The following LRRFIP2 variants were observed in gnomAD, a reference collection of about 807,000 sequenced individuals.
LRRFIP2 encodes LRR binding FLII interacting protein 2.
LRRFIP2 carries 109 observed loss-of-function variants against 125.9 expected under a neutral mutation model. The ratio of observed to expected loss-of-function variants is 0.87; its 90% CI spans 0.74 to 1.01. The LOEUF (loss-of-function observed/expected upper bound fraction) is 1.01, where lower values mean the gene tolerates loss of function less well. Ranked by LOEUF, LRRFIP2 falls within the 50% of genes least tolerant of loss-of-function variation. The probability of loss-of-function intolerance (pLI) is 0.00; values close to 1 mark genes in which losing one functional copy is unlikely to be tolerated. For synonymous variants in LRRFIP2, 291 were observed against 293.1 expected (o/e 0.99, Z 0.07); for missense variants, 850 against 862.3 (o/e 0.99, Z 0.18).
At chr3:37,076,096 G>T (rs2091977803) in intron 19 of LRRFIP2, among the ~76,000 whole-genome samples, 1 of 152,108 alleles carries the variant, frequency 6.6e-6, no homozygotes. Context: ...GTGAATGGGG[G>T]AAGAGGGAAG....
At chr3:37,076,423 A>T (rs1425878634) in intron 19 of LRRFIP2, among the ~76,000 whole-genome samples, 2 of 152,114 alleles carry the variant, frequency 1.3e-5, no homozygotes, top group African/African-American at 4.8e-5. Context: ...GGTACTCTGG[A>T]GGCTGAGGTG....
rs1036036387 is a variant in LRRFIP2, at chr3:37,135,182, T to C, written c.91-6033A>G. ...TTACTGTTTAAAAAAAAAAAAAGGC[T>C]GGGCACGTTGGCTCACACCTGTAAT... On this transcript the variant is annotated intron_variant, in intron 2 of 27. Transcript: ENST00000336686. 5 of 913,440 alleles carry C rather than the reference T, an allele frequency of 5.5e-6. No individual in the cohort carries two copies. The African/African-American group carries it at 8.4e-5, about 15-fold the overall frequency. 56.6% of individuals were successfully genotyped at this position (913,440 alleles called of 1,614,324 possible). A position where few individuals can be genotyped will look rare whatever the true frequency, so the allele number is the denominator to read the frequency against.
At position 37,056,303 on chromosome 3, in the gene LRRFIP2, T is replaced by C. The variant is rs76532428; in HGVS notation, c.1871-1138A>G. On this transcript the variant is annotated intron_variant, in intron 25 of 27. Coordinates refer to ENST00000336686, the MANE Select transcript of LRRFIP2 (RefSeq NM_006309.4). ...AGAATCCAAGTTTAGCAAAAATCAG[T>C]CTCTGGCATGATTACAGTAATAAGA... Among the ~76,000 whole-genome samples, 376 of 152,226 alleles carry C rather than the reference T, an allele frequency of 2.5e-3. 12 individuals carry two copies. The East Asian group carries it at 0.065, about 26-fold the overall frequency.
In LRRFIP2 at chr3:37,105,515, G is replaced by A. The variant is rs559918360; in HGVS notation, c.723C>T (p.Asn241=). The A allele has an allele frequency of 1.1e-5, 17 of 1,612,752 alleles. No individual in the cohort carries two copies. The highest frequency in any genetic ancestry group is 1.6e-4 in the Middle Eastern group (1 of 6,080). Residue 241 remains asparagine, a synonymous_variant, in exon 14 of 28, where the codon AAC becomes AAT. Transcript: ENST00000336686. The part of the protein sequence containing the change: ...SSARSSPGFT[N]DDTASIVSSD... ...AAGACACAATGCTTGCAGTGTCATCGTTGGTAAACTATAGATATTAAATGC... is the reference window on the plus strand; with the variant it reads ...AAGACACAATGCTTGCAGTGTCATCATTGGTAAACTATAGATATTAAATGC...
chr3:37,167,517 G>A (rs1174650571), intron 1 of LRRFIP2, among the ~76,000 whole-genome samples: 1 of 151,986 alleles, frequency 6.6e-6, no homozygotes, highest in South Asian at 2.1e-4. Context: ...AGCCGGGCGT[G>A]GTGGCGGGTG....
At chr3:37,114,928 T>A (rs923101935) in intron 7 of LRRFIP2, 126 bp downstream of exon 7, 20 of 698,472 alleles carry the variant, frequency 2.9e-5, no homozygotes, top group Middle Eastern at 2.5e-4. Flanking sequence ...TTTTGCTTTG[T>A]TAGTCACACA....
chr3:37,053,771 G>A lies in LRRFIP2; in HGVS notation c.*80C>T. On this transcript the variant is annotated 3_prime_UTR_variant, in exon 28 of 28. Coordinates refer to ENST00000336686, the MANE Select transcript of LRRFIP2 (RefSeq NM_006309.4). ...GACAAAACTCAAAACAGTACTAAAA[G>A]GGGTTTGTGTCAATGGACAAAAGTC... 2 of 852,194 alleles carry A rather than the reference G, an allele frequency of 2.3e-6. No homozygotes were observed. The highest frequency in any genetic ancestry group is 4.0e-6 in the Non-Finnish European group (2 of 495,998). The allele number at this position is 852,194 out of a possible 1,614,324, so 52.8% of individuals were successfully genotyped here.
At chr3:37,108,568 T>C in intron 12 of LRRFIP2, 69 bp downstream of exon 12, 1 of 1,322,242 alleles carries the variant, frequency 7.6e-7, no homozygotes. Flanking sequence ...TTTTGACTTT[T>C]TCTTTGAAAG....
chr3:37,120,334 A>ATC (rs2094972605), intron 6 of LRRFIP2, among the ~76,000 whole-genome samples: 1 of 151,956 alleles, frequency 6.6e-6, no homozygotes, highest in East Asian at 1.9e-4. Flanking sequence ...TGAACTCCCG[A>ATC]TCTCAGGTGA....
rs1268967822 is a variant in LRRFIP2, at chr3:37,094,816, T to C, written c.1011A>G (p.Pro337=). ...CCCGCAATTCACTTAATGAAGTGTC[T>C]GGATCTATTAAGCTGCTGGTGTCCC... ...GSGDTSSLID[P]DTSLSELRDI... is the part of the protein sequence containing the mutation. The change falls in exon 17 of 28, where the codon CCA becomes CCG. Residue 337 remains proline, a synonymous_variant. Transcript: ENST00000336686. 11 of 1,613,582 alleles carry C rather than the reference T, an allele frequency of 6.8e-6. No homozygotes were observed. Among genetic ancestry groups the C allele is most frequent in the Non-Finnish European group, 9.3e-6 (11 of 1,179,528 alleles).
At chr3:37,101,443 T>C (rs923933006) in intron 15 of LRRFIP2, among the ~76,000 whole-genome samples, 3 of 151,060 alleles carry the variant, frequency 2.0e-5, no homozygotes, top group Admixed American at 1.3e-4. Flanking sequence ...GGCAGGTAGA[T>C]TGATTGAGGT....
At chr3:37,165,386 A>G (rs2096455050) in intron 1 of LRRFIP2, among the ~76,000 whole-genome samples, 1 of 3,434 alleles carries the variant, frequency 2.9e-4, no homozygotes, top group East Asian at 5.6e-3. Flanking sequence ...ACCCCCGTCC[A>G]TGGAAAAATT....
At position 37,108,066 on chromosome 3, in the gene LRRFIP2, A is replaced by G; in HGVS notation, c.714+7T>C. The G allele has an allele frequency of 1.2e-6, 2 of 1,613,186 alleles. No homozygotes were observed. The highest frequency in any genetic ancestry group is 1.7e-6 in the Non-Finnish European group (2 of 1,179,240). On this transcript the variant is annotated splice_region_variant and intron_variant, in intron 13 of 27. Transcript: ENST00000336686. ...TCTACAAAGCATGCAGAGACTAGAC[A>G]GCTCACCCCTGGACTGCTTCGGGCT...
Position 37,123,386 on chromosome 3 carries a change from G to A in LRRFIP2, c.229-1695C>T, listed in dbSNP as rs910251353. ...TTTGTTTTAGCAGAGATGGGGTTTCGCCATGTTGGCCAGGCTGGTCTCGAA... is the reference window on the plus strand; with the variant it reads ...TTTGTTTTAGCAGAGATGGGGTTTCACCATGTTGGCCAGGCTGGTCTCGAA... On this transcript the variant is annotated intron_variant, in intron 4 of 27. Coordinates refer to ENST00000336686, the MANE Select transcript of LRRFIP2 (RefSeq NM_006309.4). Among the ~76,000 whole-genome samples, 4 of 152,168 alleles carry A rather than the reference G, an allele frequency of 2.6e-5. No individual in the cohort carries two copies. In the South Asian group the frequency reaches 8.3e-4, roughly 32 times the overall value.
chr3:37,100,948 C>T (rs1009578983), intron 15 of LRRFIP2, among the ~76,000 whole-genome samples: 2 of 152,090 alleles, frequency 1.3e-5, no homozygotes, highest in African/African-American at 4.8e-5. Context: ...AAGAACCACA[C>T]ATAAAATTAT....
intron 23 of LRRFIP2, 136 bp downstream of exon 23, chr3:37,065,674 C>G (rs2089990221): frequency 9.3e-7 from 1 of 1,074,092 alleles, no homozygotes; most frequent in Non-Finnish European, 1.4e-6. Context: ...TGCCAATGTG[C>G]CCAGATTCTT....
At chr3:37,148,245 G>A (rs1305775006) in intron 2 of LRRFIP2, among the ~76,000 whole-genome samples, 1 of 152,020 alleles carries the variant, frequency 6.6e-6, no homozygotes, top group Non-Finnish European at 1.5e-5. Flanking sequence ...AATTAATTTT[G>A]GATGCATTGG....
intron 2 of LRRFIP2, among the ~76,000 whole-genome samples, chr3:37,132,159 A>G (rs1418148726): frequency 6.6e-6 from 1 of 152,060 alleles, no homozygotes; most frequent in African/African-American, 2.4e-5. Context: ...AATAGGAAAC[A>G]CTTCAAGGCT....
intron 1 of LRRFIP2, among the ~76,000 whole-genome samples, chr3:37,165,254 C>CA (rs368821796): frequency 8.9e-4 from 132 of 148,556 alleles, no homozygotes; most frequent in Admixed American, 2.8e-3. Flanking sequence ...AACAAAAAAA[C>CA]AAAAAAAAAT....
Sources: allele counts gnomAD v4.1 joint callset (sites outside exome capture counted in the v4.1 genomes callset), GRCh38; gene constraint gnomAD v4.1.1; transcripts MANE v1.5; gene names NCBI Gene and HGNC (gene_info 2026-07-23, HGNC 2026-07-21).